The following PFKFB3 variants were observed in gnomAD, a reference collection of about 807,000 sequenced individuals.
The protein encoded by PFKFB3 is 6-phosphofructo-2-kinase/fructose-2,6-biphosphatase 3, also known as 6-phosphofructo-2-kinase/fructose-2,6-bisphosphatase 3.
Under a neutral mutation model 68.0 loss-of-function variants are expected in PFKFB3, and 33 were observed. The ratio of observed to expected loss-of-function variants is 0.49; its 90% CI spans 0.37 to 0.65. The LOEUF is 0.65. Among genes scored for constraint, PFKFB3 ranks in the 30% least tolerant of loss-of-function variants. PFKFB3 has a pLI of 0.00. For synonymous variants in PFKFB3, 315 were observed against 288.2 expected (o/e 1.09, Z -0.94); for missense variants, 586 against 712.2 (o/e 0.82, Z 2.02).
the PFKFB3 span, chr10:6,326,452 A>G: frequency 3.7e-5 from 16 of 430,522 alleles, no homozygotes; most frequent in Middle Eastern, 1.1e-3. Flanking sequence ...TAAAATAAAA[A>G]TAGAAAAGAA....
upstream of PFKFB3, among the ~76,000 whole-genome samples, chr10:6,201,523 G>A (rs1843352022): frequency 6.6e-6 from 1 of 150,846 alleles, no homozygotes; most frequent in African/African-American, 2.4e-5. The surrounding 1 kb of genome is among the most constrained non-coding windows in gnomAD (Gnocchi z 4.1). Context: ...TGCGCGTTCC[G>A]GGGCCCCTCG....
In PFKFB3 at chr10:6,228,151, C is replaced by T. The variant is rs34819394; in HGVS notation, c.1515+1786C>T. 4.6e-4 allele frequency: 744 copies of T among 1,611,198 alleles called. 3 individuals are homozygous for T. The East Asian group carries it at 8.8e-3, about 19-fold the overall frequency. Reference sequence around the variant, plus strand: ...TTCAGGGCTTCGTCCCTGCAGATTGCGCCCTGCCTCCTGACTGACTTCTCT... The same window carrying T: ...TTCAGGGCTTCGTCCCTGCAGATTGTGCCCTGCCTCCTGACTGACTTCTCT... On this transcript the variant is annotated intron_variant, in intron 14 of 14. Transcript: ENST00000379775. This position sits in a 1 kb window ranked among gnomAD's most constrained non-coding sequence, Gnocchi z 4.5.
In PFKFB3 at chr10:6,220,881, C is replaced by T. The variant is rs544379279; in HGVS notation, c.831+16C>T. Reference sequence around the variant, plus strand: ...GGGCAAGAAGGTGCGGGGTGTGCTGCCGCATGGGCCGTTCTGGCTGTAGGG... The same window carrying T: ...GGGCAAGAAGGTGCGGGGTGTGCTGTCGCATGGGCCGTTCTGGCTGTAGGG... On this transcript the variant is annotated intron_variant, in intron 8 of 14. Coordinates refer to ENST00000379775, the MANE Select transcript of PFKFB3 (RefSeq NM_004566.4). This position sits in a 1 kb window ranked among gnomAD's most constrained non-coding sequence, Gnocchi z 4.1. The T allele has an allele frequency of 5.0e-6, 8 of 1,606,760 alleles. No homozygotes were observed. The highest frequency in any genetic ancestry group is 1.7e-4 in the Middle Eastern group (1 of 6,056).
intron 13 of PFKFB3, among the ~76,000 whole-genome samples, chr10:6,224,784 C>T (rs371000336): frequency 6.6e-5 from 10 of 152,152 alleles, no homozygotes; most frequent in East Asian, 3.9e-4. Flanking sequence ...TTGTGCCCAG[C>T]GTCTCTTCTC....
chr10:6,212,792 G>A (rs1052477472), intron 1 of PFKFB3, among the ~76,000 whole-genome samples: 7 of 152,230 alleles, frequency 4.6e-5, no homozygotes, highest in East Asian at 1.9e-4. Context: ...GAACCACCGC[G>A]CCTGGCTGTA....
intron 1 of PFKFB3, among the ~76,000 whole-genome samples, chr10:6,170,423 A>G (rs1197646498): frequency 2.0e-5 from 3 of 152,222 alleles, no homozygotes; most frequent in Admixed American, 6.5e-5. Flanking sequence ...ACGAAAATAT[A>G]AACTGGACTA....
At chr10:6,158,594 G>A (rs112908950) in intron 1 of PFKFB3, among the ~76,000 whole-genome samples, 63 of 152,240 alleles carry the variant, frequency 4.1e-4, no homozygotes, top group African/African-American at 1.5e-3. Flanking sequence ...GGCTAGGTGC[G>A]GTAGCTCACG....
At chr10:6,324,309 G>A in the PFKFB3 span, among the ~76,000 whole-genome samples, 1 of 152,200 alleles carries the variant, frequency 6.6e-6, no homozygotes, top group Non-Finnish European at 1.5e-5. Context: ...GCCAAGCTGG[G>A]GAGTAATAGG....
At chr10:6,247,785 A>G (rs1345487788) in intron 14 of PFKFB3, among the ~76,000 whole-genome samples, 3 of 152,270 alleles carry the variant, frequency 2.0e-5, no homozygotes, top group African/African-American at 7.2e-5. Context: ...GGGAATGAAT[A>G]AATCAATAGT....
the PFKFB3 span, among the ~76,000 whole-genome samples, chr10:6,285,108 G>A: frequency 6.6e-6 from 1 of 152,118 alleles, no homozygotes; most frequent in Non-Finnish European, 1.5e-5. Flanking sequence ...ATCTAGAGGT[G>A]GAATGGATGG....
chr10:6,162,483 CT>C (rs2131716437), intron 1 of PFKFB3, among the ~76,000 whole-genome samples: 1 of 152,246 alleles, frequency 6.6e-6, no homozygotes, highest in Non-Finnish European at 1.5e-5. Flanking sequence ...CGTAAAATGG[CT>C]ATTTACCATT....
intron 1 of PFKFB3, among the ~76,000 whole-genome samples, chr10:6,180,616 C>T (rs1324941697): frequency 6.6e-6 from 1 of 152,094 alleles, no homozygotes; most frequent in Non-Finnish European, 1.5e-5. Context: ...AGGTGTGCTT[C>T]ACCACACCTG....
chr10:6,279,188 T>TGTGTAGTCTATCATTTATGA, the PFKFB3 span, among the ~76,000 whole-genome samples: 14 of 152,252 alleles, frequency 9.2e-5, no homozygotes, highest in South Asian at 4.1e-4. Context: ...ATATCATTTA[T>TGTGTAGTCTATCATTTATGA]ATAGTCTATA....
At chr10:6,244,912 A>G (rs990548854) in intron 14 of PFKFB3, among the ~76,000 whole-genome samples, 25 of 152,184 alleles carry the variant, frequency 1.6e-4, no homozygotes, top group African/African-American at 4.6e-4. Context: ...AACAGTTCCT[A>G]GCATACACTC....
chr10:6,187,742 T>A (rs1279733343), intron 1 of PFKFB3, among the ~76,000 whole-genome samples: 2 of 152,220 alleles, frequency 1.3e-5, no homozygotes, highest in African/African-American at 4.8e-5. Context: ...CTTCCGAAAC[T>A]GAGGATCATC....
chr10:6,226,440 C>T (rs540276438), intron 14 of PFKFB3, 75 bp downstream of exon 14: 14 of 1,444,048 alleles, frequency 9.7e-6, no homozygotes, highest in Admixed American at 8.3e-5. Flanking sequence ...GGATTGCGTG[C>T]GTGTGTGTTT....
intron 13 of PFKFB3, 100 bp from the exon 14 acceptor site, chr10:6,226,092 C>T: frequency 9.2e-7 from 1 of 1,085,406 alleles, no homozygotes; most frequent in East Asian, 2.5e-5. Context: ...AGTCTTTTTG[C>T]CTCTCTAAAA....
intron 1 of PFKFB3, among the ~76,000 whole-genome samples, chr10:6,193,840 T>G (rs1843097302): frequency 6.6e-6 from 1 of 151,828 alleles, no homozygotes; most frequent in African/African-American, 2.4e-5. Context: ...TTCTTAAGGG[T>G]GGGGGAGATT....
intron 1 of PFKFB3, among the ~76,000 whole-genome samples, chr10:6,181,796 TAAAAAAAAA>T (rs60557537): frequency 5.9e-4 from 67 of 114,156 alleles, no homozygotes; most frequent in African/African-American, 2.1e-3. Context: ...AGACTCCGTT[TAAAAAAAAA>T]AAAAAAAAAA....
Sources: gnomAD v4.1 joint callset for allele counts (sites outside exome capture counted in the v4.1 genomes callset) on GRCh38, gnomAD v4.1.1 for gene constraint, Gnocchi (gnomAD v3.1) non-coding constraint, MANE v1.5 for transcripts, NCBI Gene and HGNC (gene_info 2026-07-23, HGNC 2026-07-21) for gene names.